Variants in SLC13A3 observed in about 807,000 individuals in gnomAD.
SLC13A3 encodes solute carrier family 13 member 3.
In SLC13A3, 40 loss-of-function variants were observed where a neutral mutation model predicts 59.0. The observed-to-expected ratio is 0.68, with a 90% CI of 0.53 to 0.88. The LOEUF (loss-of-function observed/expected upper bound fraction) is 0.88, where lower values mean the gene tolerates loss of function less well. Among genes scored for constraint, SLC13A3 ranks in the 40% least tolerant of loss-of-function variants. The probability of loss-of-function intolerance (pLI) is 0.00; values close to 1 mark genes in which losing one functional copy is unlikely to be tolerated. For missense variants in SLC13A3, 699 were observed against 783.2 expected (o/e 0.89, Z 1.28); for synonymous variants, 317 against 330.3 (o/e 0.96, Z 0.44).
At chr20:46,588,568 A>G (rs951473527) in intron 7 of SLC13A3, among the ~76,000 whole-genome samples, 1 of 152,136 alleles carries the variant, frequency 6.6e-6, no homozygotes, top group African/African-American at 2.4e-5. Context: ...ACAGAGAGAG[A>G]GAGAGACAGA....
chr20:46,584,827 C>T (rs1212992548), intron 8 of SLC13A3, among the ~76,000 whole-genome samples: 1 of 151,988 alleles, frequency 6.6e-6, no homozygotes, highest in East Asian at 1.9e-4. Context: ...TTATGTGCAA[C>T]GATGTTCATT....
chr20:46,678,840 C>T (rs951650798), intron 1 of SLC13A3, among the ~76,000 whole-genome samples: 1 of 152,100 alleles, frequency 6.6e-6, no homozygotes, highest in African/African-American at 2.4e-5. Context: ...TGGATCATGG[C>T]GGCAGATCCC....
At chr20:46,610,382 G>A in intron 3 of SLC13A3, 64 bp downstream of exon 3, 1 of 1,519,518 alleles carries the variant, frequency 6.6e-7, no homozygotes, top group African/African-American at 1.4e-5. Flanking sequence ...AACATCCTTT[G>A]GACATCCCAT....
chr20:46,669,120 C>T (rs2063076797), intron 1 of SLC13A3, among the ~76,000 whole-genome samples: 1 of 152,182 alleles, frequency 6.6e-6, no homozygotes, highest in Non-Finnish European at 1.5e-5. Context: ...CTGCTACTCC[C>T]ATATCCCCAC....
At chr20:46,596,020 G>A in intron 5 of SLC13A3, 137 bp downstream of exon 5, 1 of 735,340 alleles carries the variant, frequency 1.4e-6, no homozygotes, top group Non-Finnish European at 2.2e-6. Flanking sequence ...GGATCTCACT[G>A]GATTTTGTGC....
At position 46,646,979 on chromosome 20, in the gene SLC13A3, A is replaced by C. The variant is rs138806241; in HGVS notation, c.111+4332T>G. Among the ~76,000 whole-genome samples the C allele has an allele frequency of 1.7e-4, 26 of 152,336 alleles. No individual in the cohort carries two copies. The East Asian group carries it at 4.8e-3, about 28-fold the overall frequency. On this transcript the variant is annotated intron_variant, in intron 1 of 12. Transcript: ENST00000279027. ...TGCCCACAAATTAGGCAAATGCAAG[A>C]AAGGGGGCCTCTGACCTTACAGGTG...
intron 10 of SLC13A3, among the ~76,000 whole-genome samples, chr20:46,571,188 C>T (rs1216670988): frequency 6.6e-6 from 1 of 152,208 alleles, no homozygotes; most frequent in Admixed American, 6.5e-5. Flanking sequence ...TTACTTCCCA[C>T]CAGGTCCCAT....
At chr20:46,585,695 T>A in intron 8 of SLC13A3, 1 of 1,298,772 alleles carries the variant, frequency 7.7e-7, no homozygotes, top group Non-Finnish European at 1.0e-6. Flanking sequence ...ATTTAGCTGA[T>A]CTTCACATTT....
chr20:46,615,901 G>A (rs1040392542), intron 1 of SLC13A3, among the ~76,000 whole-genome samples: 1 of 152,110 alleles, frequency 6.6e-6, no homozygotes, highest in Non-Finnish European at 1.5e-5. Context: ...CATTGTTTTA[G>A]AGAAAAAATT....
chr20:46,591,569 G>A (rs1459234790), intron 6 of SLC13A3, among the ~76,000 whole-genome samples: 2 of 152,196 alleles, frequency 1.3e-5, no homozygotes, highest in Non-Finnish European at 2.9e-5. Flanking sequence ...TCGTTTAGAG[G>A]TTGATTTGGA....
chr20:46,583,788 T>C, intron 8 of SLC13A3, 119 bp from the exon 9 acceptor site: 1 of 1,497,740 alleles, frequency 6.7e-7, no homozygotes, highest in South Asian at 1.3e-5. Context: ...GGGCCATTGT[T>C]GGAGGCTGGG....
chr20:46,619,969 G>C (rs2062598468), intron 1 of SLC13A3, among the ~76,000 whole-genome samples: 1 of 152,268 alleles, frequency 6.6e-6, no homozygotes, highest in Non-Finnish European at 1.5e-5. Context: ...TAATGTCCCT[G>C]TGATTCAAGT....
chr20:46,567,211 T>A (rs202394), intron 10 of SLC13A3, among the ~76,000 whole-genome samples: 8,374 of 152,162 alleles, frequency 0.055, 746 homozygotes, highest in African/African-American at 0.18. Flanking sequence ...ATATATGTAT[T>A]TGTATATATA....
intron 1 of SLC13A3, among the ~76,000 whole-genome samples, chr20:46,642,296 C>T (rs564619693): frequency 6.6e-6 from 1 of 152,382 alleles, no homozygotes; most frequent in African/African-American, 2.4e-5. Flanking sequence ...CCTGGGGCCA[C>T]AGCTGTGAGC....
intron 5 of SLC13A3, among the ~76,000 whole-genome samples, chr20:46,595,857 ACC>A (rs1489587534): frequency 6.6e-6 from 1 of 152,090 alleles, no homozygotes; most frequent in African/African-American, 2.4e-5. Flanking sequence ...TCCTTGACCA[ACC>A]TACATAAACT....
chr20:46,643,817 G>A (rs981442360), intron 1 of SLC13A3, among the ~76,000 whole-genome samples: 3 of 152,158 alleles, frequency 2.0e-5, no homozygotes, highest in African/African-American at 7.2e-5. Flanking sequence ...GCTGAGAGGG[G>A]CGGATAGCTT....
intron 3 of SLC13A3, chr20:46,608,887 G>A: frequency 1.3e-6 from 2 of 1,549,764 alleles, no homozygotes; most frequent in Non-Finnish European, 1.7e-6. Context: ...TTGGGTCCCA[G>A]GTGCCATCAT....
chr20:46,627,696 T>C lies in SLC13A3; in HGVS notation c.112-13971A>G, dbSNP rs939914867. Among the ~76,000 whole-genome samples the C allele has an allele frequency of 3.3e-5, 5 of 152,244 alleles. No individual in the cohort carries two copies. The South Asian group carries it at 1.0e-3, about 32-fold the overall frequency. On this transcript the variant is annotated intron_variant, in intron 1 of 12. Transcript: ENST00000279027. ...ATTTATGACCTCTCATCTAAGTGAT[T>C]TGAATTGGTAGAAGGATGGACCCCT...
At chr20:46,636,822 T>A (rs1600595832) in intron 1 of SLC13A3, among the ~76,000 whole-genome samples, 1 of 151,986 alleles carries the variant, frequency 6.6e-6, no homozygotes, top group African/African-American at 2.4e-5. Context: ...TTCTTTTTTT[T>A]TTGAGACAGA....
Sources: allele counts gnomAD v4.1 joint callset (sites outside exome capture counted in the v4.1 genomes callset), GRCh38; gene constraint gnomAD v4.1.1; transcripts MANE v1.5; gene names NCBI Gene and HGNC (gene_info 2026-07-23, HGNC 2026-07-21).